Variants in CNTNAP2 observed in about 807,000 individuals in gnomAD.
The protein encoded by CNTNAP2 is contactin associated protein 2, also known as contactin-associated protein-like 2.
Under a neutral mutation model 155.2 loss-of-function variants are expected in CNTNAP2, and 98 were observed. The ratio of observed to expected loss-of-function variants is 0.63; its 90% CI spans 0.54 to 0.75. CNTNAP2 has a LOEUF of 0.75. Ranked by LOEUF, CNTNAP2 falls within the 30% of genes least tolerant of loss-of-function variation. CNTNAP2 has a pLI of 0.00. For missense variants in CNTNAP2, 1,727 were observed against 1,688.1 expected (o/e 1.02, Z -0.40); for synonymous variants, 651 against 631.2 (o/e 1.03, Z -0.47).
At chr7:147,582,433 T>A (rs1800520519) in intron 12 of CNTNAP2, among the ~76,000 whole-genome samples, 1 of 152,134 alleles carries the variant, frequency 6.6e-6, no homozygotes. Flanking sequence ...GCCCAGAGTG[T>A]TATTTATTAA....
At chr7:147,164,577 G>C (rs1437031140) in intron 8 of CNTNAP2, among the ~76,000 whole-genome samples, 1 of 152,142 alleles carries the variant, frequency 6.6e-6, no homozygotes, top group Non-Finnish European at 1.5e-5. Flanking sequence ...TTAAATAAAT[G>C]CAATATTTAG....
At chr7:147,524,081 G>A (rs79865197) in intron 11 of CNTNAP2, among the ~76,000 whole-genome samples, 3 of 152,026 alleles carry the variant, frequency 2.0e-5, no homozygotes, top group South Asian at 2.1e-4. Flanking sequence ...ATAAAACTTC[G>A]GGTCAGACTC....
Position 147,189,755 on chromosome 7 carries a change from T to TTGC in CNTNAP2, c.1348+57248_1348+57249insCTG, listed in dbSNP as rs529587500. Among the ~76,000 whole-genome samples the TTGC allele has an allele frequency of 3.4e-3, 521 of 151,892 alleles. 8 individuals are homozygous for TTGC. The highest frequency in any genetic ancestry group is 0.027 in the Middle Eastern group (8 of 292). On this transcript the variant is annotated intron_variant, in intron 8 of 23. Transcript: ENST00000361727. ...ACATTAACACCACTTTTTTTTGTTGTTGTTGTTGAGACGGAGTCTCACTCT... is the reference window on the plus strand; with the variant it reads ...ACATTAACACCACTTTTTTTTGTTGTTGCTGTTGTTGAGACGGAGTCTCACTCT...
At chr7:148,343,779 G>A (rs1345528527) in intron 21 of CNTNAP2, among the ~76,000 whole-genome samples, 2 of 152,214 alleles carry the variant, frequency 1.3e-5, no homozygotes. Context: ...TGATATGTGA[G>A]AATTTAGAGG....
intron 13 of CNTNAP2, among the ~76,000 whole-genome samples, chr7:147,762,735 G>T (rs1434377844): frequency 1.3e-5 from 2 of 149,576 alleles, no homozygotes; most frequent in Non-Finnish European, 3.0e-5. Flanking sequence ...GGGGGAGGGA[G>T]GGAGGGAGGA....
At chr7:147,566,357 G>C (rs1800170631) in intron 12 of CNTNAP2, among the ~76,000 whole-genome samples, 1 of 125,564 alleles carries the variant, frequency 8.0e-6, no homozygotes, top group South Asian at 3.3e-4. Context: ...AAAGGAAGGG[G>C]GAGGGGGAAG....
At chr7:147,332,720 G>A (rs1272546838) in intron 9 of CNTNAP2, among the ~76,000 whole-genome samples, 7 of 152,040 alleles carry the variant, frequency 4.6e-5, no homozygotes, top group Non-Finnish European at 1.0e-4. Flanking sequence ...GAATTAGCCG[G>A]CTGTGGTAGT....
chr7:148,284,481 T>A (rs1797046832), intron 21 of CNTNAP2, among the ~76,000 whole-genome samples: 1 of 151,716 alleles, frequency 6.6e-6, no homozygotes, highest in African/African-American at 2.4e-5. Flanking sequence ...TTACCCAGTC[T>A]CAGGTACGTC....
intron 12 of CNTNAP2, among the ~76,000 whole-genome samples, chr7:147,564,655 G>T (rs922806953): frequency 6.6e-6 from 1 of 151,942 alleles, no homozygotes; most frequent in Non-Finnish European, 1.5e-5. Flanking sequence ...TCATATCAAG[G>T]ACACACACAA....
At chr7:147,248,435 G>A (rs1196008291) in intron 8 of CNTNAP2, among the ~76,000 whole-genome samples, 1 of 152,174 alleles carries the variant, frequency 6.6e-6, no homozygotes, top group Non-Finnish European at 1.5e-5. Flanking sequence ...AAGGAGGCAA[G>A]TGAGCAGCAT....
At chr7:147,704,805 G>A (rs1268942676) in intron 13 of CNTNAP2, among the ~76,000 whole-genome samples, 1 of 152,094 alleles carries the variant, frequency 6.6e-6, no homozygotes, top group Non-Finnish European at 1.5e-5. Flanking sequence ...ATTCAATCTT[G>A]ATAGGTTGTG....
intron 1 of CNTNAP2, among the ~76,000 whole-genome samples, chr7:146,548,733 T>C (rs1368591693): frequency 1.3e-5 from 2 of 151,804 alleles, no homozygotes; most frequent in Non-Finnish European, 2.9e-5. Context: ...TTGGAGTTTC[T>C]TATATATTTT....
chr7:147,226,560 C>G (rs926841172), intron 8 of CNTNAP2, among the ~76,000 whole-genome samples: 2 of 151,776 alleles, frequency 1.3e-5, no homozygotes, highest in Non-Finnish European at 2.9e-5. Flanking sequence ...TTAGAGGAAA[C>G]TTTCCTTCTC....
intron 13 of CNTNAP2, among the ~76,000 whole-genome samples, chr7:147,743,858 T>A (rs1248612124): frequency 6.6e-6 from 1 of 152,148 alleles, no homozygotes; most frequent in African/African-American, 2.4e-5. Flanking sequence ...GTCTTTGCCA[T>A]GGTGATGGCT....
chr7:146,823,986 T>A (rs1236530856), intron 2 of CNTNAP2, among the ~76,000 whole-genome samples: 1 of 151,930 alleles, frequency 6.6e-6, no homozygotes, highest in Non-Finnish European at 1.5e-5. Context: ...GTCATCTGGG[T>A]TTTAAGCCCC....
intron 1 of CNTNAP2, among the ~76,000 whole-genome samples, chr7:146,503,363 T>G (rs1048985599): frequency 6.6e-6 from 1 of 152,222 alleles, no homozygotes; most frequent in African/African-American, 2.4e-5. Flanking sequence ...TTTGTAAACT[T>G]TCTTAAAACA....
At chr7:147,315,669 A>T (rs1193938931) in intron 9 of CNTNAP2, among the ~76,000 whole-genome samples, 3 of 151,708 alleles carry the variant, frequency 2.0e-5, no homozygotes, top group Non-Finnish European at 2.9e-5. Flanking sequence ...TTTAGTAGAG[A>T]TGGCGTTTAA....
intron 4 of CNTNAP2, among the ~76,000 whole-genome samples, chr7:147,059,960 T>C (rs1056980518): frequency 6.6e-6 from 1 of 152,140 alleles, no homozygotes; most frequent in Admixed American, 6.5e-5. Flanking sequence ...AATTGATTAA[T>C]CATTGATTAT....
chr7:147,397,563 G>T (rs1012979095), intron 10 of CNTNAP2, among the ~76,000 whole-genome samples: 1 of 151,748 alleles, frequency 6.6e-6, no homozygotes, highest in East Asian at 1.9e-4. Context: ...TAAATTGTTT[G>T]CTACTAAAGA....
Sources: gnomAD v4.1 joint callset for allele counts (sites outside exome capture counted in the v4.1 genomes callset) on GRCh38, gnomAD v4.1.1 for gene constraint, MANE v1.5 for transcripts, NCBI Gene and HGNC (gene_info 2026-07-23, HGNC 2026-07-21) for gene names.